ADAMTS18: variants seen among roughly 807,000 people sequenced by gnomAD.
ADAMTS18 encodes the protein ADAM metallopeptidase with thrombospondin type 1 motif 18.
ADAMTS18 carries 157 observed loss-of-function variants against 165.9 expected under a neutral mutation model. The ratio of observed to expected loss-of-function variants is 0.95; its 90% CI spans 0.83 to 1.08. The LOEUF is 1.08. Among genes scored for constraint, ADAMTS18 ranks in the 50% least tolerant of loss-of-function variants. The pLI, the probability that ADAMTS18 is intolerant of heterozygous loss-of-function variation, is 0.00. For missense variants in ADAMTS18, 2,040 were observed against 1,534.0 expected (o/e 1.33, Z -5.51); for synonymous variants, 782 against 578.2 (o/e 1.35, Z -5.06).
intron 10 of ADAMTS18, among the ~76,000 whole-genome samples, chr16:77,351,975 C>A (rs2056562846): frequency 6.6e-6 from 1 of 152,084 alleles, no homozygotes; most frequent in African/African-American, 2.4e-5. Flanking sequence ...CTCAAGTGAT[C>A]CTCCCACCTT....
intron 10 of ADAMTS18, among the ~76,000 whole-genome samples, chr16:77,343,164 C>A (rs974191464): frequency 1.3e-5 from 2 of 152,054 alleles, no homozygotes; most frequent in African/African-American, 4.8e-5. Flanking sequence ...CCCCCGCCTC[C>A]TGGGTTCAAG....
chr16:77,418,872 C>T (rs1013824896), intron 3 of ADAMTS18, among the ~76,000 whole-genome samples: 6 of 152,172 alleles, frequency 3.9e-5, no homozygotes, highest in Non-Finnish European at 5.9e-5. Flanking sequence ...AATTATTCGC[C>T]GAGTGCGGCA....
At chr16:77,381,179 G>A (rs1239106064) in intron 3 of ADAMTS18, among the ~76,000 whole-genome samples, 3 of 151,882 alleles carry the variant, frequency 2.0e-5, no homozygotes, top group East Asian at 1.9e-4. Context: ...TGGCCTTGCA[G>A]CTCTACCTGA....
intron 8 of ADAMTS18, among the ~76,000 whole-genome samples, chr16:77,356,919 A>G (rs1034193349): frequency 6.6e-6 from 1 of 152,012 alleles, no homozygotes; most frequent in Non-Finnish European, 1.5e-5. Flanking sequence ...AAGTGGTAGA[A>G]GATGGGGAAA....
chr16:77,350,020 T>C (rs2056532755), intron 10 of ADAMTS18, among the ~76,000 whole-genome samples: 1 of 152,158 alleles, frequency 6.6e-6, no homozygotes, highest in Non-Finnish European at 1.5e-5. Context: ...TCTAGCTTAG[T>C]AAAATAACCA....
chr16:77,338,521 G>C (rs2056347309), intron 11 of ADAMTS18, among the ~76,000 whole-genome samples: 1 of 151,986 alleles, frequency 6.6e-6, no homozygotes, highest in African/African-American at 2.4e-5. Context: ...ACAGGCATGA[G>C]CCACCACGTC....
chr16:77,294,188 T>C (rs1262016870), intron 19 of ADAMTS18, among the ~76,000 whole-genome samples: 1 of 152,156 alleles, frequency 6.6e-6, no homozygotes, highest in Non-Finnish European at 1.5e-5. Context: ...TGAGCAGTGG[T>C]TGAGCTATCA....
intron 16 of ADAMTS18, among the ~76,000 whole-genome samples, chr16:77,311,902 T>A (rs372496981): frequency 6.6e-6 from 1 of 152,186 alleles, no homozygotes; most frequent in South Asian, 2.1e-4. Context: ...TGGAAAACAA[T>A]AGCCAGGCAA....
intron 3 of ADAMTS18, among the ~76,000 whole-genome samples, chr16:77,368,211 G>T (rs1289103824): frequency 6.6e-6 from 1 of 152,138 alleles, no homozygotes; most frequent in Non-Finnish European, 1.5e-5. Context: ...AAGATAGTAA[G>T]TAGGAAAGCT....
chr16:77,361,883 T>G (rs1344695435), intron 7 of ADAMTS18, among the ~76,000 whole-genome samples: 3 of 107,286 alleles, frequency 2.8e-5, no homozygotes, highest in African/African-American at 1.0e-4. Flanking sequence ...AAACTCCATC[T>G]CAAATTAAAA....
At chr16:77,362,371 G>C in intron 6 of ADAMTS18, 107 bp from the exon 7 acceptor site, 1 of 1,289,080 alleles carries the variant, frequency 7.8e-7, no homozygotes. Context: ...TAGGGAAAAA[G>C]ATCAGTAAAC....
rs759769596 is a variant in ADAMTS18, at chr16:77,431,641, C to T, written c.179-30G>A. On this transcript the variant is annotated intron_variant, in intron 2 of 22. Coordinates refer to ENST00000282849, the MANE Select transcript of ADAMTS18 (RefSeq NM_199355.4). ...AATGGGAAAAGTTCAGCTGTCAGCA[C>T]CCAGAGCCCACAATTCCAAATGGTC... The T allele has an allele frequency of 1.6e-5, 26 of 1,609,912 alleles. No homozygotes were observed. The Admixed American group carries it at 3.3e-4, about 21-fold the overall frequency.
At chr16:77,358,438 G>A (rs1398856244) in intron 8 of ADAMTS18, among the ~76,000 whole-genome samples, 4 of 151,962 alleles carry the variant, frequency 2.6e-5, no homozygotes, top group African/African-American at 9.7e-5. Flanking sequence ...AGTGGGCACT[G>A]GTAATCCCAG....
At chr16:77,410,549 A>G (rs1031802386) in intron 3 of ADAMTS18, among the ~76,000 whole-genome samples, 6 of 152,136 alleles carry the variant, frequency 3.9e-5, no homozygotes, top group Non-Finnish European at 7.4e-5. Context: ...CCTATCTTCA[A>G]ATGAGTAAAC....
Position 77,434,507 on chromosome 16 carries a change from T to C in ADAMTS18, c.91-2A>G, listed in dbSNP as rs768314617. The C allele has an allele frequency of 2.6e-5, 40 of 1,556,212 alleles. No individual in the cohort carries two copies. Among genetic ancestry groups the C allele is most frequent in the Non-Finnish European group, 3.3e-5 (38 of 1,154,626 alleles). ...GCAGAGGCAGCACAGCTGGAGCGCCTGCAAGAGAAAAGGTGACATCGCGCG... is the reference window on the plus strand; with the variant it reads ...GCAGAGGCAGCACAGCTGGAGCGCCCGCAAGAGAAAAGGTGACATCGCGCG... On this transcript the variant is annotated splice_acceptor_variant, in intron 1 of 22. Transcript: ENST00000282849. LOFTEE classifies it high-confidence loss of function.
chr16:77,430,149 AAAACAAAC>A (rs35091044), intron 3 of ADAMTS18, among the ~76,000 whole-genome samples: 42 of 143,500 alleles, frequency 2.9e-4, no homozygotes, highest in East Asian at 7.2e-4. Flanking sequence ...GTGCCACAAC[AAAACAAAC>A]AAACAAACAA....
At chr16:77,376,879 AT>A (rs140896830) in intron 3 of ADAMTS18, among the ~76,000 whole-genome samples, 1,508 of 132,500 alleles carry the variant, frequency 0.011, 34 homozygotes, top group African/African-American at 0.042. Context: ...CAGTGGGGTG[AT>A]CTCAGCTCAC....
intron 22 of ADAMTS18, 125 bp from the exon 23 acceptor site, chr16:77,284,196 G>T: frequency 3.1e-6 from 2 of 642,296 alleles, no homozygotes; most frequent in Non-Finnish European, 5.5e-6. Flanking sequence ...TGTGATCTCC[G>T]CTCACTGCAA....
intron 3 of ADAMTS18, among the ~76,000 whole-genome samples, chr16:77,384,132 T>C (rs1377693209): frequency 6.6e-6 from 1 of 152,176 alleles, no homozygotes; most frequent in Non-Finnish European, 1.5e-5. Context: ...TCTGTAAATA[T>C]TTTTGGTATT....
Sources: gnomAD v4.1 joint callset for allele counts (sites outside exome capture counted in the v4.1 genomes callset) on GRCh38, gnomAD v4.1.1 for gene constraint, MANE v1.5 for transcripts, NCBI Gene and HGNC (gene_info 2026-07-23, HGNC 2026-07-21) for gene names.